Variants in PTPRT observed in about 807,000 individuals in gnomAD.
PTPRT encodes protein tyrosine phosphatase receptor type T, also known as receptor-type tyrosine-protein phosphatase T.
PTPRT carries 56 observed loss-of-function variants against 176.8 expected under a neutral mutation model. The observed-to-expected ratio is 0.32, with a 90% CI of 0.26 to 0.40. The LOEUF (loss-of-function observed/expected upper bound fraction) is 0.40, where lower values mean the gene tolerates loss of function less well. PTPRT is among the 10% of genes least tolerant of loss of function. PTPRT has a pLI of 1.00. For missense variants in PTPRT, 1,540 were observed against 1,908.2 expected (o/e 0.81, Z 3.60); for synonymous variants, 783 against 739.0 (o/e 1.06, Z -0.96).
rs555564073 is a variant in PTPRT at position 42,480,551 on chromosome 20, G to A, written c.1154-7989C>T. On this transcript the variant is annotated intron_variant, in intron 7 of 30. Transcript: ENST00000373187. Reference sequence around the variant, plus strand: ...AACCTCTGAGATGGGCCAGGCATTAGGGATGTAGGTGAATGGGACACTTGC... The same window carrying A: ...AACCTCTGAGATGGGCCAGGCATTAAGGATGTAGGTGAATGGGACACTTGC... Among the ~76,000 whole-genome samples, 11 of 152,302 alleles carry A rather than the reference G, an allele frequency of 7.2e-5. No individual in the cohort carries two copies. The East Asian group carries it at 1.9e-3, about 27-fold the overall frequency.
At position 42,532,551 on chromosome 20, in the gene PTPRT, A is replaced by C. The variant is rs572021955; in HGVS notation, c.1154-59989T>G. On this transcript the variant is annotated intron_variant, in intron 7 of 30. Transcript: ENST00000373187. ...CAAGTAGCTGGGGCCACAGGTGTGCACCACCATGACTTGTTAACTTTTAAA... is the reference window on the plus strand; with the variant it reads ...CAAGTAGCTGGGGCCACAGGTGTGCCCCACCATGACTTGTTAACTTTTAAA... 7.9e-4 allele frequency among the ~76,000 whole-genome samples: 120 copies of C among 152,292 alleles called. 1 individual carries two copies. Among genetic ancestry groups the C allele is most frequent in the African/African-American group, 2.5e-3 (105 of 41,562 alleles).
chr20:42,634,120 TATTA>T (rs1467051489), intron 7 of PTPRT, among the ~76,000 whole-genome samples: 2 of 57,872 alleles, frequency 3.5e-5, no homozygotes, highest in African/African-American at 2.4e-4. Flanking sequence ...TAATATAATA[TATTA>T]TATATATAAT....
chr20:42,350,641 C>T lies in PTPRT; in HGVS notation c.1852G>A (p.Gly618Arg). The T allele has an allele frequency of 6.2e-7, 1 of 1,610,706 alleles. No homozygotes were observed. The highest frequency in any genetic ancestry group is 8.5e-7 in the Non-Finnish European group (1 of 1,176,890). Reference sequence around the variant, plus strand: ...AACCATCCTCACCTGACAGGAGCTCCCCGGGACTGAGCGGGTTTCAGCATC... The same window carrying T: ...AACCATCCTCACCTGACAGGAGCTCTCCGGGACTGAGCGGGTTTCAGCATC... ...TVMLKPAQSRGAPVSVYQLVV... is the reference protein window; with the variant it reads ...TVMLKPAQSRRAPVSVYQLVV... The change falls in exon 11 of 31, where the codon GGA (glycine) becomes AGA (arginine). Residue 618 changes from glycine (G) to arginine (R), a missense_variant. This residue lies in a region of PTPRT where 81 missense variants were observed against 89.9 expected (regional missense o/e 0.90). Coordinates refer to ENST00000373187, the MANE Select transcript of PTPRT (RefSeq NM_007050.6).
intron 2 of PTPRT, among the ~76,000 whole-genome samples, chr20:42,850,582 A>G (rs2078451474): frequency 6.6e-6 from 1 of 152,150 alleles, no homozygotes; most frequent in Non-Finnish European, 1.5e-5. Flanking sequence ...CCCCAGTGGT[A>G]GGCAGTCAGT....
intron 18 of PTPRT, among the ~76,000 whole-genome samples, chr20:42,132,347 T>A (rs1356099386): frequency 6.6e-6 from 1 of 152,038 alleles, no homozygotes; most frequent in Non-Finnish European, 1.5e-5. Flanking sequence ...TGAGAAAACA[T>A]AGGTGTGAAA....
At chr20:42,301,208 C>T (rs1266724815) in intron 12 of PTPRT, among the ~76,000 whole-genome samples, 8 of 152,162 alleles carry the variant, frequency 5.3e-5, no homozygotes. Flanking sequence ...AGTAATGGAA[C>T]AAACTGATAT....
chr20:42,762,177 T>TA (rs2145426800), intron 5 of PTPRT, among the ~76,000 whole-genome samples: 1 of 152,308 alleles, frequency 6.6e-6, no homozygotes, highest in African/African-American at 2.4e-5. Context: ...TCTTTTAATA[T>TA]ATTATTAAGT....
chr20:43,027,441 A>T (rs1197173931), intron 1 of PTPRT, among the ~76,000 whole-genome samples: 1 of 148,420 alleles, frequency 6.7e-6, no homozygotes, highest in African/African-American at 2.5e-5. Context: ...GTGCCACTAC[A>T]CTCCAGCCTA....
chr20:43,105,625 C>T (rs141209589), intron 1 of PTPRT, among the ~76,000 whole-genome samples: 1,684 of 152,192 alleles, frequency 0.011, 38 homozygotes, highest in African/African-American at 0.038. Context: ...GGCTCAAATT[C>T]CTGAGCTCAG....
chr20:42,901,996 T>G (rs1204577184), intron 1 of PTPRT, among the ~76,000 whole-genome samples: 1 of 152,146 alleles, frequency 6.6e-6, no homozygotes, highest in African/African-American at 2.4e-5. Flanking sequence ...GACTGAAATA[T>G]TTACTATCTA....
At chr20:43,166,318 ACT>A (rs1426705521) in intron 1 of PTPRT, among the ~76,000 whole-genome samples, 1 of 148,358 alleles carries the variant, frequency 6.7e-6, no homozygotes, top group Non-Finnish European at 1.5e-5. Flanking sequence ...ACAGAGCAAG[ACT>A]CTGTCTAAAA....
intron 7 of PTPRT, among the ~76,000 whole-genome samples, chr20:42,554,661 G>A (rs543210266): frequency 2.0e-5 from 3 of 152,266 alleles, no homozygotes; most frequent in African/African-American, 7.2e-5. Flanking sequence ...TTGATGATAA[G>A]TGCAGGCCCA....
intron 9 of PTPRT, among the ~76,000 whole-genome samples, chr20:42,371,922 G>C (rs975525577): frequency 4.6e-5 from 7 of 152,212 alleles, no homozygotes; most frequent in African/African-American, 1.7e-4. Flanking sequence ...CAGGTGGTTG[G>C]GGCTGAGTCT....
At chr20:42,512,850 GT>G (rs1216417562) in intron 7 of PTPRT, among the ~76,000 whole-genome samples, 2 of 151,838 alleles carry the variant, frequency 1.3e-5, no homozygotes, top group African/African-American at 4.8e-5. Context: ...GATGTTTTTT[GT>G]TTTTTGTTGT....
At chr20:42,584,416 T>C (rs2073435168) in intron 7 of PTPRT, among the ~76,000 whole-genome samples, 1 of 152,122 alleles carries the variant, frequency 6.6e-6, no homozygotes, top group Non-Finnish European at 1.5e-5. Context: ...TGCACTTCCT[T>C]TCCCCTCTGT....
At chr20:43,059,386 A>G (rs1987364355) in intron 1 of PTPRT, among the ~76,000 whole-genome samples, 1 of 152,352 alleles carries the variant, frequency 6.6e-6, no homozygotes, top group East Asian at 1.9e-4. Context: ...CATTTTGCTT[A>G]GAAAGAGCTT....
chr20:42,961,489 T>C (rs1322324842), intron 1 of PTPRT, among the ~76,000 whole-genome samples: 9 of 152,170 alleles, frequency 5.9e-5, no homozygotes, highest in Non-Finnish European at 1.0e-4. Flanking sequence ...TGGAAGGAAG[T>C]AGAATGAGTG....
chr20:42,629,825 G>A (rs777442722), intron 7 of PTPRT, among the ~76,000 whole-genome samples: 2 of 152,126 alleles, frequency 1.3e-5, no homozygotes, highest in Non-Finnish European at 2.9e-5. Context: ...AAACGACATG[G>A]GAACCAGGCA....
intron 1 of PTPRT, among the ~76,000 whole-genome samples, chr20:43,163,633 T>A (rs1156786595): frequency 2.0e-5 from 3 of 150,062 alleles, no homozygotes; most frequent in Non-Finnish European, 4.5e-5. Flanking sequence ...GCGAGACTCC[T>A]TCTCAAAAAC....
Sources: gnomAD v4.1 joint callset for allele counts (sites outside exome capture counted in the v4.1 genomes callset) on GRCh38, gnomAD v4.1.1 for gene constraint, gnomAD v4.1.1 regional missense constraint, MANE v1.5 for transcripts, NCBI Gene and HGNC (gene_info 2026-07-23, HGNC 2026-07-21) for gene names.